P4HB: variants seen among roughly 807,000 people sequenced by gnomAD.
P4HB encodes the protein protein disulfide-isomerase.
Under a neutral mutation model 52.6 loss-of-function variants are expected in P4HB, and 20 were observed. The ratio of observed to expected loss-of-function variants is 0.38; its 90% CI spans 0.27 to 0.55. The LOEUF (loss-of-function observed/expected upper bound fraction) is 0.55, where lower values mean the gene tolerates loss of function less well. Ranked by LOEUF, P4HB falls within the 20% of genes least tolerant of loss-of-function variation. The pLI is 0.74. For synonymous variants in P4HB, 296 were observed against 277.9 expected (o/e 1.07, Z -0.65); for missense variants, 601 against 669.2 (o/e 0.90, Z 1.12).
intron 4 of P4HB, among the ~76,000 whole-genome samples, chr17:81,849,522 G>A (rs1236588437): frequency 6.6e-6 from 1 of 151,234 alleles, no homozygotes; most frequent in Admixed American, 6.6e-5. Flanking sequence ...AATAAATAGA[G>A]AGAAAAAAAC....
In P4HB at chr17:81,844,029, C is replaced by G. The variant is rs752149479; in HGVS notation, c.1510G>C (p.Val504Leu). 1 of 1,613,644 alleles carries G rather than the reference C, an allele frequency of 6.2e-7. No individual in the cohort carries two copies. The highest frequency in any genetic ancestry group is 2.2e-5 in the East Asian group (1 of 44,880). Residue 504 changes from valine (V) to leucine (L), a missense_variant, in exon 11 of 11, where the codon GTG becomes CTG. Coordinates refer to ENST00000331483, the MANE Select transcript of P4HB (RefSeq NM_000918.4). ...DMEEDDDQKA[V>L]KDEL The stretch of plus-strand genomic sequence containing the variant: ...TTTGCGTATTACAGTTCATCTTTCA[C>G]AGCTTTCTGATCATCGTCTTCCTCC...
intron 4 of P4HB, among the ~76,000 whole-genome samples, chr17:81,854,226 T>A (rs971038027): frequency 2.6e-5 from 4 of 152,250 alleles, no homozygotes; most frequent in Non-Finnish European, 5.9e-5. Context: ...ACGCTCTGAA[T>A]GTAGTTAATA....
intron 4 of P4HB, among the ~76,000 whole-genome samples, chr17:81,851,905 G>A (rs539584403): frequency 2.6e-5 from 4 of 152,366 alleles, no homozygotes; most frequent in African/African-American, 2.4e-5. Context: ...AATGCAGGCC[G>A]GGTGGTATGG....
At chr17:81,845,538 C>T (rs368473835) in intron 9 of P4HB, 23 bp downstream of exon 9, 1 of 1,567,832 alleles carries the variant, frequency 6.4e-7, no homozygotes, top group Non-Finnish European at 8.7e-7. Flanking sequence ...CCCGCCCCAG[C>T]CCCGTCTGGA....
rs1326487219 is a variant in P4HB at position 81,860,533 on chromosome 17, A to AGC, written c.-64_-63dup. ...CCGCCGGGACAGCGGGGGCGACGAG[A>AGC]GCGCGCGCCGGTCCCGGCCTCGCCT... is the stretch of plus-strand genomic sequence containing the variant. On this transcript the variant is annotated 5_prime_UTR_variant, in exon 1 of 11. Transcript: ENST00000331483. 1.6e-6 allele frequency: 2 copies of AGC among 1,225,332 alleles called. No individual in the cohort carries two copies. The highest frequency in any genetic ancestry group is 8.6e-5 in the Admixed American group (2 of 23,198). 75.9% of individuals were successfully genotyped at this position (1,225,332 alleles called of 1,614,324 possible).
At chr17:81,858,603 G>C (rs1267110676) in intron 2 of P4HB, among the ~76,000 whole-genome samples, 1 of 152,182 alleles carries the variant, frequency 6.6e-6, no homozygotes, top group African/African-American at 2.4e-5. Flanking sequence ...CAGCTTCAGA[G>C]GCGGCAGACG....
chr17:81,843,930 C>G lies in P4HB; in HGVS notation c.*82G>C. On this transcript the variant is annotated 3_prime_UTR_variant, in exon 11 of 11. Transcript: ENST00000331483. ...CGGCGACGCCCTCCTTCAAGCGAGGCCGCAGGCTTCGGAGGCGTGCGCTGC... is the reference window on the plus strand; with the variant it reads ...CGGCGACGCCCTCCTTCAAGCGAGGGCGCAGGCTTCGGAGGCGTGCGCTGC... 1 of 1,027,864 alleles carries G rather than the reference C, an allele frequency of 9.7e-7. No homozygotes were observed. The highest frequency in any genetic ancestry group is 1.5e-6 in the Non-Finnish European group (1 of 648,836). 63.7% of individuals were successfully genotyped at this position (1,027,864 alleles called of 1,614,324 possible).
intron 2 of P4HB, among the ~76,000 whole-genome samples, chr17:81,857,843 A>T (rs1047593735): frequency 6.6e-6 from 1 of 152,224 alleles, no homozygotes; most frequent in Admixed American, 6.5e-5. Flanking sequence ...CCCCATTCAG[A>T]TGTAGAAGGA....
rs1049588084 is a variant in P4HB at position 81,855,344 on chromosome 17, T to G, written c.487-65A>C. The G allele has an allele frequency of 4.4e-6, 7 of 1,607,864 alleles. No homozygotes were observed. The Admixed American group carries it at 1.2e-4, about 27-fold the overall frequency. On this transcript the variant is annotated intron_variant, in intron 3 of 10. Coordinates refer to ENST00000331483, the MANE Select transcript of P4HB (RefSeq NM_000918.4). This position sits in a 1 kb window ranked among gnomAD's most constrained non-coding sequence, Gnocchi z 4.3. ...CAGCACCAAGCAGTAGGGCAGACCC[T>G]GTAGAGCCCAGGCCAGGGGGGACAC... is the stretch of plus-strand genomic sequence containing the variant.
intron 4 of P4HB, among the ~76,000 whole-genome samples, chr17:81,850,790 T>A (rs550517033): frequency 3.3e-5 from 5 of 151,890 alleles, no homozygotes; most frequent in South Asian, 4.2e-4. Flanking sequence ...GCCAAAAAAA[T>A]TTATTTTATT....
At chr17:81,853,782 C>G (rs1464776262) in intron 4 of P4HB, among the ~76,000 whole-genome samples, 2 of 152,142 alleles carry the variant, frequency 1.3e-5, no homozygotes, top group South Asian at 4.1e-4. Flanking sequence ...CCCCAGGTCC[C>G]TCCTCTCCCG....
rs1257551204 is a variant in P4HB at position 81,846,396 on chromosome 17, G to T, written c.1056+33C>A. 1 of 1,607,406 alleles carries T rather than the reference G, an allele frequency of 6.2e-7. No individual in the cohort carries two copies. Among genetic ancestry groups the T allele is most frequent in the Non-Finnish European group, 8.5e-7 (1 of 1,175,542 alleles). On this transcript the variant is annotated intron_variant, in intron 7 of 10. Transcript: ENST00000331483. The surrounding 1 kb of genome is among the most constrained non-coding windows in gnomAD (Gnocchi z 5.7). ...GACCCCAAGGTGGCGGCTCTACCCG[G>T]GAGGCAGCCCTGGCCCGGGGACGCG...
In P4HB at chr17:81,846,326, A is replaced by C; in HGVS notation, c.1056+103T>G. The C allele has an allele frequency of 9.2e-7, 1 of 1,085,334 alleles. No individual in the cohort carries two copies. The highest frequency in any genetic ancestry group is 1.8e-5 in the Admixed American group (1 of 54,846). The allele number at this position is 1,085,334 out of a possible 1,614,324, so 67.2% of individuals were successfully genotyped here. ...TCTTGGGCTCCGTCCTCTTACTCTG[A>C]AGATCTTACTTTGAGGACGAAGCCC... On this transcript the variant is annotated intron_variant, in intron 7 of 10. Coordinates refer to ENST00000331483, the MANE Select transcript of P4HB (RefSeq NM_000918.4). The surrounding 1 kb of genome is among the most constrained non-coding windows in gnomAD (Gnocchi z 5.7).
chr17:81,845,003 G>A, intron 10 of P4HB, 141 bp downstream of exon 10: 1 of 666,098 alleles, frequency 1.5e-6, no homozygotes, highest in Non-Finnish European at 2.6e-6. Flanking sequence ...CTGGGCGAAG[G>A]TGTGGGGCCC....
rs750383194 is a variant in P4HB at position 81,847,031 on chromosome 17, G to A, written c.771C>T (p.Ile257=). 3.1e-6 allele frequency: 5 copies of A among 1,613,908 alleles called. No homozygotes were observed. The highest frequency in any genetic ancestry group is 4.2e-6 in the Non-Finnish European group (5 of 1,179,974). ...KIFGGEIKTH[I]LLFLPKSVSD... The stretch of plus-strand genomic sequence containing the variant: ...ACACACTCTTGGGCAAGAACAGCAG[G>A]ATGTGAGTCTTGATTTCACCTCCAA... Residue 257 remains isoleucine (I), a synonymous_variant, in exon 6 of 11, where the codon ATC becomes ATT. Coordinates refer to ENST00000331483, the MANE Select transcript of P4HB (RefSeq NM_000918.4).
Position 81,846,541 on chromosome 17 carries a change from A to G in P4HB, c.944T>C (p.Val315Ala), listed in dbSNP as rs2038738518. The G allele has an allele frequency of 1.2e-6, 2 of 1,613,788 alleles. No individual in the cohort carries two copies. The highest frequency in any genetic ancestry group is 1.7e-6 in the Non-Finnish European group (2 of 1,179,900). The change falls in exon 7 of 11, where the codon GTG (valine) becomes GCG (alanine). Residue 315 changes from valine (V) to alanine (A), a missense_variant. Physicochemically the swap from Val to Ala is moderately conservative, Grantham distance 64 (BLOSUM62 0). Transcript: ENST00000331483. The surrounding 1 kb of genome is among the most constrained non-coding windows in gnomAD (Gnocchi z 5.7). ...FGLKKEECPA[V>A]RLITLEEEMT... ...CTCCTCCTCCAGGGTGATGAGGCGC[A>G]CGGCCGGGCACTCTTCCTTCTTCAG...
chr17:81,848,267 C>T (rs1298336764), intron 4 of P4HB, among the ~76,000 whole-genome samples: 1 of 152,196 alleles, frequency 6.6e-6, no homozygotes, highest in Non-Finnish European at 1.5e-5. Flanking sequence ...TCACGTGCTG[C>T]GGCACAGACC....
intron 5 of P4HB, 75 bp from the exon 6 acceptor site, chr17:81,847,147 T>C (rs2038748200): frequency 6.2e-7 from 1 of 1,600,912 alleles, no homozygotes; most frequent in Non-Finnish European, 8.6e-7. Flanking sequence ...TGGCCTCCAA[T>C]GTCAGACGCT....
Position 81,846,611 on chromosome 17 carries a change from C to T in P4HB, c.874G>A (p.Asp292Asn), listed in dbSNP as rs145209834. Residue 292 changes from aspartate (D) to asparagine (N), a missense_variant, in exon 7 of 11, where the codon GAC becomes AAC. Asp to Asn is a conservative substitution (Grantham distance 23). Transcript: ENST00000331483. The surrounding 1 kb of genome is among the most constrained non-coding windows in gnomAD (Gnocchi z 5.7). ...CGCTGGTTGTCGGTGTGGTCGCTGT[C>T]GATGAAGATGAACAGGATCTGGGGG... ...FKGKILFIFI[D>N]SDHTDNQRIL... 798 of 1,613,792 alleles carry T rather than the reference C, an allele frequency of 4.9e-4. 1 individual carries two copies. Among genetic ancestry groups the T allele is most frequent in the Non-Finnish European group, 6.3e-4 (739 of 1,180,028 alleles).
Sources: gnomAD v4.1 joint callset for allele counts (sites outside exome capture counted in the v4.1 genomes callset) on GRCh38, gnomAD v4.1.1 for gene constraint, Gnocchi (gnomAD v3.1) non-coding constraint, MANE v1.5 for transcripts, NCBI Gene and HGNC (gene_info 2026-07-23, HGNC 2026-07-21) for gene names.